Variants in COL22A1 observed in about 807,000 individuals in gnomAD.
The protein encoded by COL22A1 is collagen type XXII alpha 1 chain.
A neutral mutation model predicts 248.9 loss-of-function variants in COL22A1; 221 were observed. That is an observed-to-expected ratio of 0.89 (90% CI 0.80 to 0.99). The LOEUF (loss-of-function observed/expected upper bound fraction) is 0.99. Among genes scored for constraint, COL22A1 ranks in the 50% least tolerant of loss-of-function variants. COL22A1 has a pLI of 0.00. For missense variants in COL22A1, 2,240 were observed against 2,179.0 expected (o/e 1.03, Z -0.56); for synonymous variants, 891 against 793.4 (o/e 1.12, Z -2.07).
At chr8:138,882,985 G>T in intron 2 of COL22A1, 97 bp downstream of exon 2, 1 of 1,083,762 alleles carries the variant, frequency 9.2e-7, no homozygotes, top group Non-Finnish European at 1.3e-6. Flanking sequence ...AGTCAGTTGT[G>T]AACTCACTTG....
chr8:138,664,200 C>CGT (rs1564163995), intron 41 of COL22A1, among the ~76,000 whole-genome samples: 2 of 86,024 alleles, frequency 2.3e-5, no homozygotes, highest in African/African-American at 4.4e-5. Context: ...GGGGTGCGCG[C>CGT]GCGCGCGCGC....
At position 138,710,185 on chromosome 8, in the gene COL22A1, G is replaced by A. The variant is rs76573129; in HGVS notation, c.2517+5497C>T. On this transcript the variant is annotated intron_variant, in intron 30 of 64. Transcript: ENST00000303045. Reference sequence around the variant, plus strand: ...CATGGCACAGAGATTGAGCAAGACCGTAAGGAGTACGGTGTTATTACATTT... The same window carrying A: ...CATGGCACAGAGATTGAGCAAGACCATAAGGAGTACGGTGTTATTACATTT... 9.7e-3 allele frequency among the ~76,000 whole-genome samples: 1,476 copies of A among 152,328 alleles called. 23 individuals are homozygous for A. Among genetic ancestry groups the A allele is most frequent in the African/African-American group, 0.03 (1,267 of 41,582 alleles).
chr8:138,831,806 T>C (rs1437556599), intron 5 of COL22A1, among the ~76,000 whole-genome samples: 5 of 152,024 alleles, frequency 3.3e-5, no homozygotes, highest in Non-Finnish European at 7.4e-5. Context: ...ATATTAATAG[T>C]TTAAAGATGG....
chr8:138,721,722 TGAATGGGAATACA>T (rs769858573), intron 26 of COL22A1, among the ~76,000 whole-genome samples: 3 of 152,160 alleles, frequency 2.0e-5, no homozygotes, highest in Non-Finnish European at 4.4e-5. Flanking sequence ...GCCTCCCAAG[TGAATGGGAATACA>T]GGTGCCCACC....
chr8:138,726,963 G>A lies in COL22A1; in HGVS notation c.2140-1523C>T, dbSNP rs142529559. The stretch of plus-strand genomic sequence containing the variant: ...TGGGGTGACCAGAGGGAGGAAGGGT[G>A]GACATGGGGTTATAAGCAGGGGCGA... On this transcript the variant is annotated intron_variant, in intron 23 of 64. Transcript: ENST00000303045. 4.0e-3 allele frequency among the ~76,000 whole-genome samples: 605 copies of A among 152,262 alleles called. 1 individual carries two copies. Among genetic ancestry groups the A allele is most frequent in the African/African-American group, 0.01 (416 of 41,558 alleles).
intron 11 of COL22A1, among the ~76,000 whole-genome samples, chr8:138,801,437 A>G (rs1053301232): frequency 6.6e-6 from 1 of 152,220 alleles, no homozygotes; most frequent in Non-Finnish European, 1.5e-5. Context: ...TGCATTTGCC[A>G]TGCTAATTCT....
Position 138,762,460 on chromosome 8 carries a change from G to A in COL22A1, c.1810C>T (p.Arg604Ter), listed in dbSNP as rs1240412760. ...TTCCCAGGGAATCCATCCAGGCCTC[G>A]CTCTCCCTGGCAAAAGAAGGCAAAT... is the stretch of plus-strand genomic sequence containing the variant. ...EKGTRGEKGERGLDGFPGKPG... is the reference protein window; with the variant it reads ...EKGTRGEKGE The change falls in exon 17 of 65, where the codon CGA becomes TGA. Residue 604 changes from arginine (R) to a stop codon, truncating the protein, a stop_gained. Transcript: ENST00000303045. LOFTEE classifies it high-confidence loss of function. 5.0e-6 allele frequency: 8 copies of A among 1,614,038 alleles called. No individual in the cohort carries two copies. Among genetic ancestry groups the A allele is most frequent in the South Asian group, 3.3e-5 (3 of 91,064 alleles).
At chr8:138,767,096 G>A (rs1202935514) in intron 16 of COL22A1, among the ~76,000 whole-genome samples, 2 of 152,204 alleles carry the variant, frequency 1.3e-5, no homozygotes, top group South Asian at 2.1e-4. Flanking sequence ...CTGTCACTCG[G>A]TTTCTACAAA....
intron 1 of COL22A1, among the ~76,000 whole-genome samples, chr8:138,896,261 A>G (rs938985408): frequency 4.6e-5 from 7 of 152,214 alleles, no homozygotes; most frequent in African/African-American, 1.7e-4. Flanking sequence ...AAAAAATTTG[A>G]TGACTAAGCA....
At chr8:138,813,575 A>T (rs1294110904) in intron 7 of COL22A1, among the ~76,000 whole-genome samples, 1 of 152,232 alleles carries the variant, frequency 6.6e-6, no homozygotes, top group East Asian at 1.9e-4. Context: ...ACAGACTAAT[A>T]CAACCCCTTC....
intron 58 of COL22A1, 149 bp from the exon 59 acceptor site, chr8:138,604,918 G>C: frequency 1.3e-6 from 1 of 777,764 alleles, no homozygotes; most frequent in Non-Finnish European, 2.2e-6. Flanking sequence ...TCCCAGACAG[G>C]CTCTCTGGCC....
rs376312175 is a variant in COL22A1, at chr8:138,847,976, G to T, written c.659-3818C>A. Among the ~76,000 whole-genome samples the T allele has an allele frequency of 5.9e-5, 9 of 152,118 alleles. No individual in the cohort carries two copies. In the East Asian group the frequency reaches 1.2e-3, roughly 20 times the overall value. ...TGGATGTCTAAGGACAATTAATGAG[G>T]GTGGTGAGAAGTGGTGCATTACTTC... On this transcript the variant is annotated intron_variant, in intron 3 of 64. Coordinates refer to ENST00000303045, the MANE Select transcript of COL22A1 (RefSeq NM_152888.3).
At chr8:138,743,732 C>G (rs1457946618) in intron 22 of COL22A1, among the ~76,000 whole-genome samples, 2 of 152,142 alleles carry the variant, frequency 1.3e-5, no homozygotes, top group Admixed American at 6.5e-5. Flanking sequence ...CTACCCAGCA[C>G]AATATCTGGA....
chr8:138,589,879 C>T (rs1331411847), intron 64 of COL22A1, among the ~76,000 whole-genome samples: 1 of 152,160 alleles, frequency 6.6e-6, no homozygotes, highest in Non-Finnish European at 1.5e-5. Context: ...CACCTGGTGA[C>T]ATTCCATTGT....
rs562143939 is a variant in COL22A1, at chr8:138,645,313, C to A, written c.3501+1316G>T. ...CCTCTTTATGAATAATCATGTAAGT[C>A]TCCCATAAAGGGAGTCTCCCTAATG... On this transcript the variant is annotated intron_variant, in intron 47 of 64. Coordinates refer to ENST00000303045, the MANE Select transcript of COL22A1 (RefSeq NM_152888.3). Among the ~76,000 whole-genome samples, 23 of 152,312 alleles carry A rather than the reference C, an allele frequency of 1.5e-4. No homozygotes were observed. The South Asian group carries it at 4.6e-3, about 30-fold the overall frequency.
At chr8:138,689,990 T>C (rs1826698243) in intron 36 of COL22A1, among the ~76,000 whole-genome samples, 1 of 152,140 alleles carries the variant, frequency 6.6e-6, no homozygotes, top group Non-Finnish European at 1.5e-5. Context: ...TGTAAAATAA[T>C]AATATTCCTC....
At chr8:138,612,551 A>T (rs1818948848) in intron 56 of COL22A1, among the ~76,000 whole-genome samples, 1 of 152,118 alleles carries the variant, frequency 6.6e-6, no homozygotes, top group African/African-American at 2.4e-5. Context: ...AAATTGGATC[A>T]TTGTAAAGGT....
chr8:138,910,952 C>T (rs920062144), intron 1 of COL22A1, among the ~76,000 whole-genome samples: 14 of 152,158 alleles, frequency 9.2e-5, no homozygotes, highest in African/African-American at 2.9e-4. Context: ...ATCATAAGCA[C>T]CTTCGAAGGA....
intron 12 of COL22A1, among the ~76,000 whole-genome samples, chr8:138,788,573 C>G (rs1181677772): frequency 6.6e-6 from 1 of 152,118 alleles, no homozygotes; most frequent in East Asian, 1.9e-4. Flanking sequence ...TTTATGTTGG[C>G]CTCCTGGAAC....
Sources: gnomAD v4.1 joint callset for allele counts (sites outside exome capture counted in the v4.1 genomes callset) on GRCh38, gnomAD v4.1.1 for gene constraint, MANE v1.5 for transcripts, NCBI Gene and HGNC (gene_info 2026-07-23, HGNC 2026-07-21) for gene names.